AGBL4: variants seen among roughly 807,000 people sequenced by gnomAD.
AGBL4 encodes the protein AGBL carboxypeptidase 4.
Under a neutral mutation model 66.4 loss-of-function variants are expected in AGBL4, and 58 were observed. The observed-to-expected ratio is 0.87, with a 90% CI of 0.71 to 1.09. The LOEUF is 1.09. Ranked by LOEUF, AGBL4 falls within the 50% of genes least tolerant of loss-of-function variation. The pLI, the probability that AGBL4 is intolerant of heterozygous loss-of-function variation, is 0.00. For missense variants in AGBL4, 579 were observed against 631.0 expected (o/e 0.92, Z 0.88); for synonymous variants, 234 against 222.9 (o/e 1.05, Z -0.44).
intron 6 of AGBL4, among the ~76,000 whole-genome samples, chr1:48,669,926 G>A (rs560467803): frequency 6.2e-4 from 95 of 152,244 alleles, no homozygotes; most frequent in Admixed American, 2.8e-3. Context: ...CCTCCCGTAG[G>A]CTCAGATCTC....
At chr1:49,974,892 T>C (rs1658431158) in intron 1 of AGBL4, among the ~76,000 whole-genome samples, 1 of 152,164 alleles carries the variant, frequency 6.6e-6, no homozygotes, top group African/African-American at 2.4e-5. Flanking sequence ...ATAGAAAGAA[T>C]GAAATTCACA....
At chr1:49,706,907 G>GACTGTTTC (rs1647250646) in intron 2 of AGBL4, among the ~76,000 whole-genome samples, 1 of 152,186 alleles carries the variant, frequency 6.6e-6, no homozygotes, top group African/African-American at 2.4e-5. Context: ...TGGTCTGAAA[G>GACTGTTTC]ACTGTTTCTT....
chr1:49,155,928 A>C (rs1466936178), intron 4 of AGBL4, among the ~76,000 whole-genome samples: 1 of 152,192 alleles, frequency 6.6e-6, no homozygotes, highest in African/African-American at 2.4e-5. Flanking sequence ...GTATCTAGAC[A>C]GGGTATTGCC....
chr1:49,225,927 G>A (rs780423606), intron 4 of AGBL4, among the ~76,000 whole-genome samples: 1 of 152,160 alleles, frequency 6.6e-6, no homozygotes, highest in African/African-American at 2.4e-5. Context: ...ATCAGTACAG[G>A]ATTTACTGAC....
chr1:49,456,358 T>G (rs1259557068), intron 3 of AGBL4, among the ~76,000 whole-genome samples: 1 of 151,858 alleles, frequency 6.6e-6, no homozygotes, highest in Admixed American at 6.6e-5. Context: ...AATCATTGTA[T>G]GCACGAACAG....
At chr1:48,888,563 T>G (rs923308426) in intron 5 of AGBL4, among the ~76,000 whole-genome samples, 1 of 152,170 alleles carries the variant, frequency 6.6e-6, no homozygotes, top group Admixed American at 6.5e-5. Flanking sequence ...CCCAGAATGG[T>G]GCAAACTGCC....
chr1:49,571,099 CT>C (rs35445920), intron 3 of AGBL4, among the ~76,000 whole-genome samples: 7,981 of 143,406 alleles, frequency 0.056, 282 homozygotes, highest in Non-Finnish European at 0.076. Context: ...TATTTTAGGC[CT>C]TTTTTTTTTT....
chr1:49,200,808 T>C (rs1647639203), intron 4 of AGBL4, among the ~76,000 whole-genome samples: 1 of 152,164 alleles, frequency 6.6e-6, no homozygotes, highest in Non-Finnish European at 1.5e-5. Context: ...TTATGGAAAC[T>C]TCATTACATA....
chr1:49,225,753 T>C (rs1261855618), intron 4 of AGBL4, among the ~76,000 whole-genome samples: 1 of 152,192 alleles, frequency 6.6e-6, no homozygotes, highest in Non-Finnish European at 1.5e-5. Context: ...ATCTCAGATA[T>C]ATGTTCCATT....
chr1:49,387,295 C>G (rs1019711316), intron 3 of AGBL4, among the ~76,000 whole-genome samples: 2 of 151,752 alleles, frequency 1.3e-5, no homozygotes, highest in African/African-American at 4.8e-5. Context: ...TACATTACAC[C>G]ACTCCCCTTT....
At chr1:49,045,433 T>TGTAGTTA (rs1644053809) in intron 5 of AGBL4, 151 bp downstream of exon 5, 5 of 573,954 alleles carry the variant, frequency 8.7e-6, no homozygotes, top group Non-Finnish European at 1.2e-5. Context: ...TAATACTAAT[T>TGTAGTTA]ATATAATTGT....
intron 2 of AGBL4, among the ~76,000 whole-genome samples, chr1:49,840,450 AC>A (rs1645962682): frequency 6.6e-6 from 1 of 152,110 alleles, no homozygotes; most frequent in Admixed American, 6.5e-5. Flanking sequence ...AGATTTAATA[AC>A]TAGTATCAAT....
At chr1:49,575,891 C>T (rs1186318925) in intron 3 of AGBL4, among the ~76,000 whole-genome samples, 3 of 152,178 alleles carry the variant, frequency 2.0e-5, no homozygotes, top group Non-Finnish European at 2.9e-5. Flanking sequence ...ACCTTCATCG[C>T]TTTTTGCTTC....
At chr1:49,179,042 G>T (rs938506288) in intron 4 of AGBL4, among the ~76,000 whole-genome samples, 1 of 152,222 alleles carries the variant, frequency 6.6e-6, no homozygotes, top group African/African-American at 2.4e-5. Flanking sequence ...AGTACAACTC[G>T]CTTATGCTTT....
intron 3 of AGBL4, among the ~76,000 whole-genome samples, chr1:49,417,270 A>G (rs1313162508): frequency 6.6e-6 from 1 of 152,160 alleles, no homozygotes. Context: ...GCAGTTCATT[A>G]AACTAAAGGA....
intron 5 of AGBL4, among the ~76,000 whole-genome samples, chr1:49,033,913 C>T (rs1664437250): frequency 6.6e-6 from 1 of 151,558 alleles, no homozygotes; most frequent in African/African-American, 2.4e-5. Flanking sequence ...CCCTATGCTA[C>T]CTAACCATTC....
chr1:48,788,137 G>A (rs917639887), intron 6 of AGBL4, among the ~76,000 whole-genome samples: 1 of 152,222 alleles, frequency 6.6e-6, no homozygotes. Context: ...TTTTTCAACT[G>A]TCAAAGAGAT....
chr1:49,550,246 T>C (rs975347055), intron 3 of AGBL4, among the ~76,000 whole-genome samples: 2 of 152,224 alleles, frequency 1.3e-5, no homozygotes, highest in African/African-American at 4.8e-5. Flanking sequence ...GTTCTGTATC[T>C]TTTAAGAGGA....
chr1:49,430,649 C>T (rs748970847), intron 3 of AGBL4, among the ~76,000 whole-genome samples: 5 of 152,102 alleles, frequency 3.3e-5, no homozygotes, highest in East Asian at 1.9e-4. Context: ...TAAATTATAA[C>T]GTAGATACAG....
Sources: allele counts gnomAD v4.1 joint callset (sites outside exome capture counted in the v4.1 genomes callset), GRCh38; gene constraint gnomAD v4.1.1; transcripts MANE v1.5; gene names NCBI Gene and HGNC (gene_info 2026-07-23, HGNC 2026-07-21).